Variants in GMEB1 observed in about 807,000 individuals in gnomAD.
The protein encoded by GMEB1 is glucocorticoid modulatory element binding protein 1.
GMEB1 carries 6 observed loss-of-function variants against 52.4 expected under a neutral mutation model. That is an observed-to-expected ratio of 0.11 (90% CI 0.06 to 0.23). The LOEUF (loss-of-function observed/expected upper bound fraction) is 0.23. Ranked by LOEUF, GMEB1 falls within the 10% of genes least tolerant of loss-of-function variation. GMEB1 has a pLI of 1.00. For missense variants in GMEB1, 486 were observed against 685.6 expected (o/e 0.71, Z 3.25); for synonymous variants, 255 against 244.9 (o/e 1.04, Z -0.38).
chr1:28,697,799 C>G (rs1033970041), intron 6 of GMEB1, among the ~76,000 whole-genome samples: 1 of 152,138 alleles, frequency 6.6e-6, no homozygotes, highest in African/African-American at 2.4e-5. Flanking sequence ...TGGTGGCTGA[C>G]GCCTGTAATC....
At chr1:28,672,889 C>T (rs987558687) in intron 1 of GMEB1, among the ~76,000 whole-genome samples, 2 of 151,370 alleles carry the variant, frequency 1.3e-5, no homozygotes, top group African/African-American at 4.9e-5. Flanking sequence ...CAGGCACATG[C>T]CACCATGCCC....
chr1:28,717,387 G>C lies in GMEB1; in HGVS notation c.*2614G>C, dbSNP rs974313505. Reference sequence around the variant, plus strand: ...GTATTTTTAGTAGAGACGGGGTTTTGCCATGTTGGCCAGGCTGGTCTTGAA... The same window carrying C: ...GTATTTTTAGTAGAGACGGGGTTTTCCCATGTTGGCCAGGCTGGTCTTGAA... On this transcript the variant is annotated 3_prime_UTR_variant, in exon 10 of 10. Transcript: ENST00000373816. The C allele has an allele frequency of 6.6e-6, 1 of 151,994 alleles. No homozygotes were observed. Among genetic ancestry groups the C allele is most frequent in the Non-Finnish European group, 1.5e-5 (1 of 68,022 alleles). 9.4% of individuals were successfully genotyped at this position (151,994 alleles called of 1,614,324 possible).
chr1:28,687,373 C>CAAA (rs1319753146), intron 2 of GMEB1, among the ~76,000 whole-genome samples: 9 of 23,926 alleles, frequency 3.8e-4, no homozygotes, highest in Middle Eastern at 0.013. Context: ...CACACACACA[C>CAAA]ACACACACAC....
chr1:28,676,572 A>T (rs1254946836), intron 1 of GMEB1, among the ~76,000 whole-genome samples: 2 of 152,086 alleles, frequency 1.3e-5, no homozygotes, highest in Non-Finnish European at 2.9e-5. Flanking sequence ...CTAAAAATAC[A>T]AAAAATTAGG....
intron 9 of GMEB1, among the ~76,000 whole-genome samples, chr1:28,712,589 G>A (rs757877576): frequency 1.3e-5 from 2 of 152,116 alleles, no homozygotes; most frequent in Non-Finnish European, 2.9e-5. Context: ...GGGAGGCCGA[G>A]GTGGGCGGAT....
chr1:28,713,244 A>G (rs182882558), intron 9 of GMEB1, among the ~76,000 whole-genome samples: 60 of 152,266 alleles, frequency 3.9e-4, no homozygotes, highest in African/African-American at 1.2e-3. Context: ...CAGAGACTAA[A>G]TATGTATTTC....
At chr1:28,693,747 G>A (rs570081424) in intron 5 of GMEB1, among the ~76,000 whole-genome samples, 26 of 151,702 alleles carry the variant, frequency 1.7e-4, no homozygotes, top group African/African-American at 4.8e-4. Flanking sequence ...CACTGTGCCC[G>A]GCCATTTAAT....
Position 28,683,608 on chromosome 1 carries a change from G to A in GMEB1, c.-5G>A, listed in dbSNP as rs775335497. 1.2e-5 allele frequency: 19 copies of A among 1,595,106 alleles called. No individual in the cohort carries two copies. The highest frequency in any genetic ancestry group is 1.5e-5 in the Non-Finnish European group (18 of 1,172,870). On this transcript the variant is annotated 5_prime_UTR_variant, in exon 2 of 10. It removes the in-frame stop codon of an upstream open reading frame in the 5' UTR. Coordinates refer to ENST00000373816, the MANE Select transcript of GMEB1 (RefSeq NM_001319674.2). ...CAGTCCCAGCTATCTGACTTCATGT[G>A]AAAGATGGCTAATGCAGAAGTGAGT...
intron 1 of GMEB1, among the ~76,000 whole-genome samples, chr1:28,669,079 G>GGCCGCCCCCAGCGCAGCCGGCCGC (rs1668752455): frequency 6.8e-6 from 1 of 147,690 alleles, no homozygotes; most frequent in African/African-American, 2.4e-5. Flanking sequence ...CGAGCCGCCG[G>GGCCGCCCCCAGCGCAGCCGGCCGC]GCCGCCCCCA....
rs575069492 is a variant in GMEB1 at position 28,670,294 on chromosome 1, A to G, written c.-31+1455A>G. Among the ~76,000 whole-genome samples, 17 of 152,208 alleles carry G rather than the reference A, an allele frequency of 1.1e-4. No homozygotes were observed. The East Asian group carries it at 3.3e-3, about 29-fold the overall frequency. On this transcript the variant is annotated intron_variant, in intron 1 of 9. Coordinates refer to ENST00000373816, the MANE Select transcript of GMEB1 (RefSeq NM_001319674.2). ...CAGCCTCCCGAGTAGCTGGGACTAC[A>G]GGCGCGTGCCACCACACCAGCCAAT...
At chr1:28,691,822 T>G (rs1272284673) in intron 4 of GMEB1, 113 bp downstream of exon 4, 1 of 194,728 alleles carries the variant, frequency 5.1e-6, no homozygotes, top group Non-Finnish European at 9.9e-6. Flanking sequence ...ATTTATTTAT[T>G]TATTTATTTA....
intron 2 of GMEB1, among the ~76,000 whole-genome samples, chr1:28,687,387 C>CACACACAAAAAAAAAAAAAAAAAAAAAA (rs1553136455): frequency 2.4e-5 from 1 of 41,118 alleles, no homozygotes; most frequent in African/African-American, 9.6e-5. Flanking sequence ...CACACACACA[C>CACACACAAAAAAAAAAAAAAAAAAAAAA]AAAAAAAGAC....
intron 1 of GMEB1, among the ~76,000 whole-genome samples, chr1:28,669,107 G>C (rs865923717): frequency 1.3e-5 from 2 of 149,280 alleles, no homozygotes; most frequent in Admixed American, 1.3e-4. Context: ...CGGCCGCGCC[G>C]CCGGGGCTCG....
intron 1 of GMEB1, among the ~76,000 whole-genome samples, chr1:28,673,134 T>TC (rs1201111814): frequency 6.6e-6 from 1 of 152,170 alleles, no homozygotes; most frequent in African/African-American, 2.4e-5. Flanking sequence ...CCTCAGGTGA[T>TC]CCGCCTGCCT....
intron 9 of GMEB1, among the ~76,000 whole-genome samples, chr1:28,712,004 C>T (rs1012184008): frequency 4.0e-5 from 6 of 151,228 alleles, no homozygotes; most frequent in Non-Finnish European, 1.5e-5. Context: ...CTTTTTTTTT[C>T]TTTTTTTTGA....
chr1:28,701,500 T>C (rs186448874), intron 6 of GMEB1, among the ~76,000 whole-genome samples: 59 of 152,080 alleles, frequency 3.9e-4, no homozygotes, highest in African/African-American at 1.3e-3. Context: ...GATCTCCTGA[T>C]CTCGTGATCC....
Position 28,718,179 on chromosome 1 carries a change from C to T in GMEB1, c.*3406C>T, listed in dbSNP as rs1319340660. On this transcript the variant is annotated 3_prime_UTR_variant, in exon 10 of 10. Transcript: ENST00000373816. ...GGTAGTAGGCATTTGTCTTTCTGTT[C>T]ATGCATTGAATAAACATTTTTAAGA... The T allele has an allele frequency of 6.6e-6, 1 of 152,194 alleles. No individual in the cohort carries two copies. The highest frequency in any genetic ancestry group is 2.4e-5 in the African/African-American group (1 of 41,446). The allele number at this position is 152,194 out of a possible 1,614,324, so 9.4% of individuals were successfully genotyped here.
chr1:28,714,891 ATCT>A lies in GMEB1; in HGVS notation c.*120_*122del. On this transcript the variant is annotated 3_prime_UTR_variant, in exon 10 of 10. Transcript: ENST00000373816. ...CCTTTTTTAAAAAAAAAAAAACAAA[ATCT>A]TATTGTTGTAACTGAAAATGTTGGG... The A allele has an allele frequency of 1.3e-6, 1 of 745,040 alleles. No homozygotes were observed. Among genetic ancestry groups the A allele is most frequent in the Non-Finnish European group, 2.1e-6 (1 of 470,084 alleles). The allele number at this position is 745,040 out of a possible 1,614,324, so 46.2% of individuals were successfully genotyped here.
rs192042671 is a variant in GMEB1, at chr1:28,700,463, G to A, written c.599-1975G>A. Among the ~76,000 whole-genome samples, 848 of 148,008 alleles carry A rather than the reference G, an allele frequency of 5.7e-3. 12 individuals are homozygous for A. Among genetic ancestry groups the A allele is most frequent in the African/African-American group, 0.02 (803 of 39,912 alleles). On this transcript the variant is annotated intron_variant, in intron 6 of 9. Transcript: ENST00000373816. ...CGGGAGGTGGAGCTTGCAGTTAGCCGAGATCGCGCCACTGCATTCCAGCCT... is the reference window on the plus strand; with the variant it reads ...CGGGAGGTGGAGCTTGCAGTTAGCCAAGATCGCGCCACTGCATTCCAGCCT...
Sources: gnomAD v4.1 joint callset for allele counts (sites outside exome capture counted in the v4.1 genomes callset) on GRCh38, gnomAD v4.1.1 for gene constraint, MANE v1.5 for transcripts, NCBI Gene and HGNC (gene_info 2026-07-23, HGNC 2026-07-21) for gene names.